SNPH: variants seen among roughly 807,000 people sequenced by gnomAD.
SNPH encodes the protein syntaphilin.
In SNPH, 10 loss-of-function variants were observed where a neutral mutation model predicts 36.8. That is an observed-to-expected ratio of 0.27 (90% CI 0.17 to 0.46). The LOEUF is 0.46. SNPH is among the 20% of genes least tolerant of loss of function. The probability of loss-of-function intolerance (pLI) is 1.00; values close to 1 mark genes in which losing one functional copy is unlikely to be tolerated. For synonymous variants in SNPH, 281 were observed against 312.2 expected (o/e 0.90, Z 1.05); for missense variants, 622 against 744.0 (o/e 0.84, Z 1.91).
chr20:1,266,389 C>A lies in SNPH; in HGVS notation c.-608C>A, dbSNP rs1009542969. ...TGCAGGGCAGCTGAAGCCATGGAAG[C>A]CTCCGCAGGTGATGACAAGGACCCC... On this transcript the variant is annotated 5_prime_UTR_variant, in exon 1 of 7. Transcript: ENST00000381867. The surrounding 1 kb of genome is among the most constrained non-coding windows in gnomAD (Gnocchi z 6.0). 1.0e-5 allele frequency: 4 copies of A among 382,868 alleles called. No homozygotes were observed. The South Asian group carries it at 2.3e-4, about 22-fold the overall frequency. The allele number at this position is 382,868 out of a possible 1,614,324, so 23.7% of individuals were successfully genotyped here.
In SNPH at chr20:1,285,282, T is replaced by G. The variant is rs1442904238; in HGVS notation, c.-492-9669T>G. Among the ~76,000 whole-genome samples the G allele has an allele frequency of 6.6e-6, 1 of 152,234 alleles. No individual in the cohort carries two copies. Among genetic ancestry groups the G allele is most frequent in the Non-Finnish European group, 1.5e-5 (1 of 68,040 alleles). ...CCAAAGTGGCGGTGTCCTGAAATCC[T>G]GTTGTTTGGTAGACAATGACCGGTT... is the stretch of plus-strand genomic sequence containing the variant. On this transcript the variant is annotated intron_variant, in intron 2 of 6. Transcript: ENST00000381867. The surrounding 1 kb of genome is among the most constrained non-coding windows in gnomAD (Gnocchi z 4.9).
At position 1,296,103 on chromosome 20, in the gene SNPH, C is replaced by A; in HGVS notation, c.-137C>A. 1 of 673,548 alleles carries A rather than the reference C, an allele frequency of 1.5e-6. No individual in the cohort carries two copies. The allele number at this position is 673,548 out of a possible 1,614,324, so 41.7% of individuals were successfully genotyped here. On this transcript the variant is annotated 5_prime_UTR_variant, in exon 4 of 7. Transcript: ENST00000381867. ...CAGGGTTGGACTGATTACTTTTAGC[C>A]ACTCCTGACAGTTGTGGTTTTAAGT...
intron 5 of SNPH, among the ~76,000 whole-genome samples, chr20:1,297,591 G>T (rs893590624): frequency 1.3e-5 from 2 of 152,208 alleles, no homozygotes; most frequent in African/African-American, 2.4e-5. Context: ...TACAGCTTTT[G>T]TCTTTGTCAT....
intron 2 of SNPH, among the ~76,000 whole-genome samples, chr20:1,280,140 A>T (rs990421040): frequency 6.6e-6 from 1 of 152,158 alleles, no homozygotes; most frequent in African/African-American, 2.4e-5. Flanking sequence ...AGCTGTGTGG[A>T]GCCTGGACGA....
chr20:1,290,395 T>C (rs1487301765), intron 2 of SNPH, among the ~76,000 whole-genome samples: 1 of 152,264 alleles, frequency 6.6e-6, no homozygotes, highest in Non-Finnish European at 1.5e-5. Context: ...TCTGTCTGTG[T>C]GCATTTGCCT....
At chr20:1,283,425 A>T (rs2088249441) in intron 2 of SNPH, among the ~76,000 whole-genome samples, 2 of 152,176 alleles carry the variant, frequency 1.3e-5, no homozygotes, top group Non-Finnish European at 2.9e-5. Context: ...TGCCACTAAC[A>T]AACAACACAG....
rs970206889 is a variant in SNPH, at chr20:1,307,363, A to G, written c.*1309A>G. ...CAGCCCAAGGCCAGTCGGCCTGGGA[A>G]GTTCACTGCCCCAACTCTTTTCCCG... On this transcript the variant is annotated 3_prime_UTR_variant, in exon 7 of 7. Transcript: ENST00000381867. 6.6e-6 allele frequency: 1 copy of G among 152,086 alleles called. No homozygotes were observed. Among genetic ancestry groups the G allele is most frequent in the African/African-American group, 2.4e-5 (1 of 41,442 alleles). 9.4% of individuals were successfully genotyped at this position (152,086 alleles called of 1,614,324 possible).
In SNPH at chr20:1,296,071, G is replaced by T. The variant is rs1380320922; in HGVS notation, c.-169G>T. ...TGTCTGGGGCACATTCACTCATCTGGAGAACACAGGGTTGGACTGATTACT... is the reference window on the plus strand; with the variant it reads ...TGTCTGGGGCACATTCACTCATCTGTAGAACACAGGGTTGGACTGATTACT... On this transcript the variant is annotated 5_prime_UTR_variant, in exon 4 of 7. Transcript: ENST00000381867. 3.6e-6 allele frequency: 2 copies of T among 555,518 alleles called. No individual in the cohort carries two copies. Among genetic ancestry groups the T allele is most frequent in the East Asian group, 6.9e-5 (2 of 28,908 alleles). The allele number at this position is 555,518 out of a possible 1,614,324, so 34.4% of individuals were successfully genotyped here. A position where few individuals can be genotyped will look rare whatever the true frequency, so the allele number is the denominator to read the frequency against.
chr20:1,272,999 G>A (rs1157605941), intron 2 of SNPH, among the ~76,000 whole-genome samples: 1 of 152,244 alleles, frequency 6.6e-6, no homozygotes, highest in African/African-American at 2.4e-5. Flanking sequence ...GGTGGCCTGT[G>A]CAGCCTGGCA....
Position 1,296,309 on chromosome 20 carries a change from C to G in SNPH, c.70C>G (p.Arg24Gly). 1 of 1,586,884 alleles carries G rather than the reference C, an allele frequency of 6.3e-7. No homozygotes were observed. The highest frequency in any genetic ancestry group is 8.6e-7 in the Non-Finnish European group (1 of 1,168,308). ...GPALSAGPPT[R>G]PLSSAPGIPP... is the part of the protein sequence containing the mutation. ...GGCCCTTTCTGCGGGCCCCCCAACCCGCCCTCTCTCCTCAGCCCCCGGGAT... is the reference window on the plus strand; with the variant it reads ...GGCCCTTTCTGCGGGCCCCCCAACCGGCCCTCTCTCCTCAGCCCCCGGGAT... Residue 24 changes from arginine to glycine, a missense_variant, in exon 4 of 7, where the codon CGC (arginine) becomes GGC (glycine). Physicochemically the swap from Arg to Gly is moderately radical, Grantham distance 125 (BLOSUM62 -2). Around this residue, in one of 3 missense-constraint regions of SNPH, gnomAD observed 187 missense variants for 209.4 expected, o/e 0.89. Coordinates refer to ENST00000381867, the MANE Select transcript of SNPH (RefSeq NM_001318234.2).
At chr20:1,273,003 C>G (rs1280197853) in intron 2 of SNPH, among the ~76,000 whole-genome samples, 1 of 152,234 alleles carries the variant, frequency 6.6e-6, no homozygotes, top group Non-Finnish European at 1.5e-5. Context: ...GCCTGTGCAG[C>G]CTGGCACAGA....
At position 1,285,375 on chromosome 20, in the gene SNPH, A is replaced by G. The variant is rs1034002854; in HGVS notation, c.-492-9576A>G. Among the ~76,000 whole-genome samples, 1 of 152,206 alleles carries G rather than the reference A, an allele frequency of 6.6e-6. No individual in the cohort carries two copies. Among genetic ancestry groups the G allele is most frequent in the African/African-American group, 2.4e-5 (1 of 41,438 alleles). ...GAAAGCATAAAATGAATCTGTAGTC[A>G]GGAACCTCTCAGATACAAACGAGTA... On this transcript the variant is annotated intron_variant, in intron 2 of 6. Coordinates refer to ENST00000381867, the MANE Select transcript of SNPH (RefSeq NM_001318234.2). This position sits in a 1 kb window ranked among gnomAD's most constrained non-coding sequence, Gnocchi z 4.9.
intron 2 of SNPH, among the ~76,000 whole-genome samples, chr20:1,292,290 C>T (rs1051703209): frequency 2.0e-5 from 3 of 152,134 alleles, no homozygotes; most frequent in African/African-American, 7.2e-5. Context: ...GAAGATGCTG[C>T]AGATGGGACA....
Position 1,266,671 on chromosome 20 carries a change from G to GGCGGCTGCAGCA in SNPH, c.-578_-567dup, listed in dbSNP as rs1323392004. On this transcript the variant is annotated 5_prime_UTR_variant, in exon 2 of 7. Coordinates refer to ENST00000381867, the MANE Select transcript of SNPH (RefSeq NM_001318234.2). This position sits in a 1 kb window ranked among gnomAD's most constrained non-coding sequence, Gnocchi z 6.0. ...CCCCGCAGGTCGCTGATCAGGGCCAGGCGGCTGCAGCAGCGACTGCAGAGG... is the reference window on the plus strand; with the variant it reads ...CCCCGCAGGTCGCTGATCAGGGCCAGGCGGCTGCAGCAGCGGCTGCAGCAGCGACTGCAGAGG... The GGCGGCTGCAGCA allele has an allele frequency of 1.3e-6, 2 of 1,485,244 alleles. No individual in the cohort carries two copies. Among genetic ancestry groups the GGCGGCTGCAGCA allele is most frequent in the Admixed American group, 5.0e-5 (2 of 40,090 alleles). The allele number at this position is 1,485,244 out of a possible 1,614,324, so 92.0% of individuals were successfully genotyped here.
chr20:1,291,278 G>A (rs58417446), intron 2 of SNPH, among the ~76,000 whole-genome samples: 7,637 of 152,310 alleles, frequency 0.05, 599 homozygotes, highest in African/African-American at 0.17. Flanking sequence ...AGAAGAAGTC[G>A]GATGGCGCCT....
At chr20:1,297,515 G>A (rs1289856109) in intron 5 of SNPH, among the ~76,000 whole-genome samples, 1 of 152,202 alleles carries the variant, frequency 6.6e-6, no homozygotes, top group East Asian at 1.9e-4. Flanking sequence ...AAGGAGCCAG[G>A]GGTCAGCAGC....
chr20:1,299,560 G>T (rs557200417), intron 5 of SNPH, among the ~76,000 whole-genome samples: 1 of 152,228 alleles, frequency 6.6e-6, no homozygotes, highest in Non-Finnish European at 1.5e-5. Context: ...TGCCCTCTGG[G>T]TGGAAATTCC....
chr20:1,267,614 G>C (rs1383438974), intron 2 of SNPH, among the ~76,000 whole-genome samples: 3 of 152,214 alleles, frequency 2.0e-5, no homozygotes, highest in African/African-American at 7.2e-5. Flanking sequence ...TCATCTGTTA[G>C]ATGCAGGAAT....
At chr20:1,291,922 T>C (rs2122365433) in intron 2 of SNPH, among the ~76,000 whole-genome samples, 1 of 152,300 alleles carries the variant, frequency 6.6e-6, no homozygotes, top group South Asian at 2.1e-4. Flanking sequence ...TTTACATATG[T>C]GGAAACTGAG....
Sources: gnomAD v4.1 joint callset for allele counts (sites outside exome capture counted in the v4.1 genomes callset) on GRCh38, gnomAD v4.1.1 for gene constraint, gnomAD v4.1.1 regional missense constraint, Gnocchi (gnomAD v3.1) non-coding constraint, MANE v1.5 for transcripts, NCBI Gene and HGNC (gene_info 2026-07-23, HGNC 2026-07-21) for gene names.